Variants in CARF observed in about 807,000 individuals in gnomAD.
CARF encodes the protein calcium responsive transcription factor, also known as calcium-responsive transcription factor.
CARF carries 57 observed loss-of-function variants against 82.0 expected under a neutral mutation model. The ratio of observed to expected loss-of-function variants is 0.70; its 90% CI spans 0.56 to 0.87. The LOEUF (loss-of-function observed/expected upper bound fraction) is 0.87. Among genes scored for constraint, CARF ranks in the 40% least tolerant of loss-of-function variants. The pLI is 0.00. For missense variants in CARF, 771 were observed against 855.8 expected (o/e 0.90, Z 1.24); for synonymous variants, 268 against 290.1 (o/e 0.92, Z 0.77).
At chr2:202,966,461 C>G (rs940031569) in intron 9 of CARF, among the ~76,000 whole-genome samples, 6 of 152,234 alleles carry the variant, frequency 3.9e-5, no homozygotes, top group African/African-American at 1.4e-4. Context: ...CTCTAAATCA[C>G]AGCCCTTTGG....
At chr2:202,933,629 C>T (rs1023251397) in intron 3 of CARF, among the ~76,000 whole-genome samples, 1 of 150,378 alleles carries the variant, frequency 6.6e-6, no homozygotes, top group Non-Finnish European at 1.5e-5. Flanking sequence ...GTGGCCATCC[C>T]GAGTTTCTGT....
chr2:202,962,746 T>C (rs914157178), intron 9 of CARF: 6 of 152,134 alleles, frequency 3.9e-5, no homozygotes, highest in Non-Finnish European at 5.9e-5. Flanking sequence ...CATTCACCCT[T>C]TTTTTTACAT....
chr2:202,938,742 T>TA (rs938984806), intron 3 of CARF, among the ~76,000 whole-genome samples: 1 of 151,994 alleles, frequency 6.6e-6, no homozygotes, highest in Non-Finnish European at 1.5e-5. Flanking sequence ...TATTGATAGT[T>TA]ACTTTTCTTT....
chr2:202,921,226 C>T (rs1167584825), intron 2 of CARF, among the ~76,000 whole-genome samples: 1 of 152,176 alleles, frequency 6.6e-6, no homozygotes, highest in Non-Finnish European at 1.5e-5. Flanking sequence ...TGGTCTTGAC[C>T]TCCTGACTTT....
chr2:202,925,691 G>T, intron 3 of CARF: 1 of 196,692 alleles, frequency 5.1e-6, no homozygotes, highest in Non-Finnish European at 1.1e-5. Context: ...GGCCATTAAG[G>T]ATGCCAGTGC....
In CARF at chr2:202,971,546, A is replaced by G; in HGVS notation, c.1139A>G (p.His380Arg). ...QLPTQQAHQY[H>R]ELETPCLTLS... is the part of the protein sequence containing the mutation. ...CCTACACAGCAAGCTCATCAGTATC[A>G]TGAATTAGAGACTCCCTGCCTCACT... Residue 380 changes from histidine (H) to arginine (R), a missense_variant, in exon 12 of 17, where the codon CAT (histidine) becomes CGT (arginine). Coordinates refer to ENST00000438828, the MANE Select transcript of CARF (RefSeq NM_024744.17). The G allele has an allele frequency of 6.2e-7, 1 of 1,613,652 alleles. No homozygotes were observed. The highest frequency in any genetic ancestry group is 8.5e-7 in the Non-Finnish European group (1 of 1,179,752).
chr2:202,951,115 C>T (rs1351241795), intron 5 of CARF, among the ~76,000 whole-genome samples: 1 of 151,912 alleles, frequency 6.6e-6, no homozygotes, highest in Non-Finnish European at 1.5e-5. Context: ...AGCATGATCA[C>T]GGCTCACTGC....
At chr2:202,964,172 T>G (rs114809496) in intron 9 of CARF, among the ~76,000 whole-genome samples, 47 of 152,326 alleles carry the variant, frequency 3.1e-4, no homozygotes, top group Non-Finnish European at 5.6e-4. Flanking sequence ...CATAAGGGTT[T>G]GATAGCTTGT....
At chr2:202,958,249 A>ATGTGTGTGTGTGGG (rs1553564521) in intron 8 of CARF, among the ~76,000 whole-genome samples, 1 of 139,930 alleles carries the variant, frequency 7.1e-6, no homozygotes, top group Non-Finnish European at 1.5e-5. Context: ...ATATACATAT[A>ATGTGTGTGTGTGGG]TGTGTGTGTG....
At chr2:202,921,233 C>T (rs1406264035) in intron 2 of CARF, among the ~76,000 whole-genome samples, 1 of 152,168 alleles carries the variant, frequency 6.6e-6, no homozygotes, top group Non-Finnish European at 1.5e-5. Context: ...GACCTCCTGA[C>T]TTTGTGATCC....
chr2:202,936,714 T>C (rs1015877857), intron 3 of CARF, among the ~76,000 whole-genome samples: 1 of 152,236 alleles, frequency 6.6e-6, no homozygotes, highest in East Asian at 1.9e-4. Flanking sequence ...CAGACCCTTA[T>C]CAGATACATG....
chr2:202,936,306 TA>T (rs1693935325), intron 3 of CARF, among the ~76,000 whole-genome samples: 1 of 152,164 alleles, frequency 6.6e-6, no homozygotes. Context: ...TCATATAACT[TA>T]AAATTAATCC....
chr2:202,960,335 C>T lies in CARF; in HGVS notation c.643-902C>T, dbSNP rs138675083. On this transcript the variant is annotated intron_variant, in intron 8 of 16. Coordinates refer to ENST00000438828, the MANE Select transcript of CARF (RefSeq NM_024744.17). Reference sequence around the variant, plus strand: ...CACAATCTCAACTCACTGCAACCTCCGTCTCCCAGGTTCAAGGGATTCTTG... The same window carrying T: ...CACAATCTCAACTCACTGCAACCTCTGTCTCCCAGGTTCAAGGGATTCTTG... Among the ~76,000 whole-genome samples, 496 of 151,966 alleles carry T rather than the reference C, an allele frequency of 3.3e-3. 3 individuals are homozygous for T. Among genetic ancestry groups the T allele is most frequent in the African/African-American group, 0.011 (462 of 41,428 alleles).
At chr2:202,955,619 G>C in intron 7 of CARF, 55 bp from the exon 8 acceptor site, 1 of 1,290,434 alleles carries the variant, frequency 7.7e-7, no homozygotes, top group African/African-American at 1.5e-5. Flanking sequence ...GCAGTTGAAT[G>C]CATTTTGTGT....
Position 202,970,050 on chromosome 2 carries a change from G to C in CARF, c.1085G>C (p.Gly362Ala), listed in dbSNP as rs755490880. The C allele has an allele frequency of 6.4e-7, 1 of 1,568,506 alleles. No homozygotes were observed. The highest frequency in any genetic ancestry group is 1.2e-5 in the South Asian group (1 of 81,076). ...CTAAAGAAGAACTTGGTAGATGCTG[G>C]TGGTGTTCTTAGGTATGACATTTTT... Reference protein sequence around the residue: ...NMLKKNLVDAGGVLRWYVQLP... With the variant: ...NMLKKNLVDAAGVLRWYVQLP... The change falls in exon 11 of 17, where the codon GGT becomes GCT. Residue 362 changes from glycine to alanine, a missense_variant. Coordinates refer to ENST00000438828, the MANE Select transcript of CARF (RefSeq NM_024744.17).
intron 11 of CARF, among the ~76,000 whole-genome samples, chr2:202,971,231 C>A (rs547817207): frequency 5.5e-4 from 83 of 151,752 alleles, no homozygotes; most frequent in African/African-American, 1.9e-3. Context: ...ACTTAAAATC[C>A]CTGTATCTCC....
intron 14 of CARF, among the ~76,000 whole-genome samples, chr2:202,977,670 T>A (rs2060089074): frequency 6.6e-6 from 1 of 152,190 alleles, no homozygotes; most frequent in Non-Finnish European, 1.5e-5. Flanking sequence ...CTTTTTCTCA[T>A]GTGTTCTTAC....
chr2:202,947,195 T>C (rs1284517050), intron 5 of CARF, among the ~76,000 whole-genome samples: 3 of 152,238 alleles, frequency 2.0e-5, no homozygotes, highest in African/African-American at 7.2e-5. Flanking sequence ...ATTGAAGCAC[T>C]GTTTACAATA....
intron 1 of CARF, among the ~76,000 whole-genome samples, chr2:202,915,383 C>T (rs774922548): frequency 6.6e-6 from 1 of 152,104 alleles, no homozygotes; most frequent in Admixed American, 6.6e-5. Flanking sequence ...GCAACCTCTG[C>T]CTTCCAGGTT....
Sources: allele counts gnomAD v4.1 joint callset (sites outside exome capture counted in the v4.1 genomes callset), GRCh38; gene constraint gnomAD v4.1.1; transcripts MANE v1.5; gene names NCBI Gene and HGNC (gene_info 2026-07-23, HGNC 2026-07-21).